LIN54: variants seen among roughly 807,000 people sequenced by gnomAD.
LIN54 encodes the protein lin-54 DREAM MuvB core complex component, also known as protein lin-54 homolog.
Under a neutral mutation model 78.7 loss-of-function variants are expected in LIN54, and 9 were observed. The ratio of observed to expected loss-of-function variants is 0.11; its 90% CI spans 0.07 to 0.20. The LOEUF is 0.20. LIN54 is among the 10% of genes least tolerant of loss of function. The probability of loss-of-function intolerance (pLI) is 1.00; values close to 1 mark genes in which losing one functional copy is unlikely to be tolerated. For missense variants in LIN54, 573 were observed against 889.9 expected, an observed-to-expected ratio of 0.64 and a Z score of 4.53; for synonymous variants, 269 against 318.4, an observed-to-expected ratio of 0.84 and a Z score of 1.65.
chr4:83,007,032 C>G (rs890261280), intron 1 of LIN54, among the ~76,000 whole-genome samples: 1 of 151,928 alleles, frequency 6.6e-6, no homozygotes, highest in Non-Finnish European at 1.5e-5. Context: ...CCCAGCTACT[C>G]GAGAGGCCGA....
chr4:82,940,034 T>G, intron 5 of LIN54, 72 bp from the exon 6 acceptor site: 1 of 1,005,224 alleles, frequency 9.9e-7, no homozygotes, highest in South Asian at 1.5e-5. Context: ...TAAGAATACT[T>G]AGCTCTCCCA....
rs576089408 is a variant in LIN54, at chr4:82,984,867, T to G, written c.-23A>C. 2 of 1,586,390 alleles carry G rather than the reference T, an allele frequency of 1.3e-6. No individual in the cohort carries two copies. Among genetic ancestry groups the G allele is most frequent in the East Asian group, 2.2e-5 (1 of 44,628 alleles). ...CATGATCGTTCTCCCGCTAGAAAGTTGATCAGGCACTGTAATAAAAGTTGA... is the reference window on the plus strand; with the variant it reads ...CATGATCGTTCTCCCGCTAGAAAGTGGATCAGGCACTGTAATAAAAGTTGA... On this transcript the variant is annotated 5_prime_UTR_variant, in exon 2 of 13. Coordinates refer to ENST00000340417, the MANE Select transcript of LIN54 (RefSeq NM_194282.4).
intron 1 of LIN54, among the ~76,000 whole-genome samples, chr4:82,991,698 T>TAA (rs1727728058): frequency 6.6e-6 from 1 of 152,202 alleles, no homozygotes; most frequent in Admixed American, 6.5e-5. Context: ...TAAAAAATCA[T>TAA]AAAAGGATGT....
intron 1 of LIN54, among the ~76,000 whole-genome samples, chr4:82,990,636 A>C (rs977239888): frequency 1.3e-5 from 2 of 151,902 alleles, no homozygotes; most frequent in Non-Finnish European, 2.9e-5. Flanking sequence ...GGCGCCCGCC[A>C]CCACGCCCGG....
chr4:82,952,269 G>A (rs770264456), intron 4 of LIN54, among the ~76,000 whole-genome samples: 2 of 152,050 alleles, frequency 1.3e-5, no homozygotes, highest in African/African-American at 4.8e-5. Context: ...ACTCCTAAAC[G>A]TAATAACAAA....
chr4:82,939,699 A>G lies in LIN54; in HGVS notation c.1280T>C (p.Val427Ala). ...PKPINPTSQI[V>A]TTSQPQQRLI... ...CCGTTGCTGTGGCTGGCTAGTAGTT[A>G]CTATTTGTGAAGTTGGATTGATTGG... The change falls in exon 7 of 13, where the codon GTA (valine) becomes GCA (alanine). Residue 427 changes from valine to alanine, a missense_variant. Val to Ala is a moderately conservative substitution (Grantham distance 64). This residue lies in a region of LIN54 where 199 missense variants were observed against 260.9 expected (regional missense o/e 0.76). Transcript: ENST00000340417. The G allele has an allele frequency of 1.2e-6, 2 of 1,614,126 alleles. No homozygotes were observed. The highest frequency in any genetic ancestry group is 1.7e-6 in the Non-Finnish European group (2 of 1,179,976).
chr4:82,959,131 T>C (rs1724582610), intron 4 of LIN54, among the ~76,000 whole-genome samples: 1 of 152,216 alleles, frequency 6.6e-6, no homozygotes, highest in African/African-American at 2.4e-5. Flanking sequence ...AACATTCTTA[T>C]GCTTGAAATT....
upstream of LIN54, among the ~76,000 whole-genome samples, chr4:83,011,593 TA>T (rs34986040): frequency 2.0e-5 from 3 of 150,754 alleles, no homozygotes; most frequent in African/African-American, 4.9e-5. Context: ...GTCATCAAAT[TA>T]AAAAAAAACC....
intron 1 of LIN54, among the ~76,000 whole-genome samples, chr4:83,006,321 C>T (rs953788480): frequency 2.6e-5 from 4 of 151,924 alleles, no homozygotes; most frequent in African/African-American, 4.8e-5. Flanking sequence ...TGCTGGCATG[C>T]GCCTGTAGTC....
chr4:82,941,615 G>A (rs1722903889), intron 5 of LIN54, among the ~76,000 whole-genome samples: 1 of 152,118 alleles, frequency 6.6e-6, no homozygotes, highest in Admixed American at 6.5e-5. Flanking sequence ...AGTCAGAAGA[G>A]TGCAAAAAAA....
chr4:82,957,536 A>G (rs1188661530), intron 4 of LIN54, among the ~76,000 whole-genome samples: 1 of 152,084 alleles, frequency 6.6e-6, no homozygotes, highest in Non-Finnish European at 1.5e-5. Context: ...AGCATTTCCA[A>G]TATTTCCGAT....
At chr4:82,956,344 C>T (rs180879005) in intron 4 of LIN54, among the ~76,000 whole-genome samples, 6 of 98,992 alleles carry the variant, frequency 6.1e-5, no homozygotes, top group African/African-American at 2.2e-4. Flanking sequence ...GGTGAAATCC[C>T]GTCTCAACTA....
intron 2 of LIN54, among the ~76,000 whole-genome samples, chr4:82,979,843 A>G (rs1726473633): frequency 6.8e-6 from 1 of 147,406 alleles, no homozygotes; most frequent in Non-Finnish European, 1.5e-5. Flanking sequence ...AGGCTGAGGC[A>G]GGAGAATTGC....
rs1722890689 is a variant in LIN54 at position 82,941,474 on chromosome 4, T to C, written c.1169-1512A>G. Among the ~76,000 whole-genome samples, 3 of 152,192 alleles carry C rather than the reference T, an allele frequency of 2.0e-5. No individual in the cohort carries two copies. In the South Asian group the frequency reaches 6.2e-4, roughly 32 times the overall value. The stretch of plus-strand genomic sequence containing the variant: ...TGTTAGGGTAGGACTCTGTATTTAA[T>C]CTGTATTTTTAATTCAGTACGCAAT... On this transcript the variant is annotated intron_variant, in intron 5 of 12. Coordinates refer to ENST00000340417, the MANE Select transcript of LIN54 (RefSeq NM_194282.4).
At chr4:82,962,093 C>A (rs1724849151) in intron 4 of LIN54, among the ~76,000 whole-genome samples, 1 of 152,088 alleles carries the variant, frequency 6.6e-6, no homozygotes, top group Non-Finnish European at 1.5e-5. Context: ...GAACCTAACC[C>A]TAATTTCTTT....
At chr4:82,972,077 A>G (rs563193993) in intron 3 of LIN54, among the ~76,000 whole-genome samples, 1 of 152,290 alleles carries the variant, frequency 6.6e-6, no homozygotes, top group South Asian at 2.1e-4. Context: ...GTTTTGAGAC[A>G]GGGGTCTCCC....
chr4:82,984,082 AC>A (rs1726912523), intron 2 of LIN54, 78 bp downstream of exon 2: 7 of 913,410 alleles, frequency 7.7e-6, no homozygotes, highest in Non-Finnish European at 1.2e-5. Flanking sequence ...GTATTTAGTA[AC>A]CCTATAAACA....
chr4:82,924,631 A>T lies in LIN54; in HGVS notation c.*3471T>A, dbSNP rs1407962105. The T allele has an allele frequency of 6.6e-6, 1 of 151,966 alleles. No individual in the cohort carries two copies. Among genetic ancestry groups the T allele is most frequent in the Non-Finnish European group, 1.5e-5 (1 of 67,988 alleles). The allele number at this position is 151,966 out of a possible 1,614,324, so 9.4% of individuals were successfully genotyped here. A position where few individuals can be genotyped will look rare whatever the true frequency, so the allele number is the denominator to read the frequency against. ...GCCATTTAGAAGGAAATTTTTAATTAAAAAAAACCTTATAGCTTTCAACTC... is the reference window on the plus strand; with the variant it reads ...GCCATTTAGAAGGAAATTTTTAATTTAAAAAAACCTTATAGCTTTCAACTC... On this transcript the variant is annotated 3_prime_UTR_variant, in exon 13 of 13. Transcript: ENST00000340417.
At chr4:83,004,923 C>A (rs1251772327) in intron 1 of LIN54, among the ~76,000 whole-genome samples, 1 of 152,180 alleles carries the variant, frequency 6.6e-6, no homozygotes, top group African/African-American at 2.4e-5. Flanking sequence ...GAGACAGAGT[C>A]TGGCTCTGTC....
Sources: gnomAD v4.1 joint callset for allele counts (sites outside exome capture counted in the v4.1 genomes callset) on GRCh38, gnomAD v4.1.1 for gene constraint, gnomAD v4.1.1 regional missense constraint, MANE v1.5 for transcripts, NCBI Gene and HGNC (gene_info 2026-07-23, HGNC 2026-07-21) for gene names.